Variants in CCDC90B observed in about 807,000 individuals in gnomAD.
CCDC90B encodes the protein coiled-coil domain containing 90B.
Under a neutral mutation model 37.0 loss-of-function variants are expected in CCDC90B, and 24 were observed. That is an observed-to-expected ratio of 0.65 (90% CI 0.47 to 0.91). The LOEUF (loss-of-function observed/expected upper bound fraction) is 0.91, where lower values mean the gene tolerates loss of function less well. CCDC90B is among the 40% of genes least tolerant of loss of function. The probability of loss-of-function intolerance (pLI) is 0.00; values close to 1 mark genes in which losing one functional copy is unlikely to be tolerated. For missense variants in CCDC90B, 319 were observed against 299.0 expected (o/e 1.07, Z -0.49); for synonymous variants, 113 against 101.1 (o/e 1.12, Z -0.71).
At chr11:83,279,569 T>C (rs552874367) in intron 2 of CCDC90B, among the ~76,000 whole-genome samples, 5 of 152,286 alleles carry the variant, frequency 3.3e-5, no homozygotes, top group South Asian at 2.1e-4. Flanking sequence ...TTGTTCTTCT[T>C]TTACATTTAG....
intron 1 of CCDC90B, 41 bp downstream of exon 1, chr11:83,285,832 A>T (rs1865652463): frequency 6.3e-7 from 1 of 1,584,238 alleles, no homozygotes; most frequent in South Asian, 1.1e-5. Flanking sequence ...TCGTCTCCCT[A>T]GAGAGCACTC....
chr11:83,262,070 C>T (rs904785741), intron 8 of CCDC90B, 104 bp from the exon 9 acceptor site: 5 of 729,240 alleles, frequency 6.9e-6, no homozygotes, highest in African/African-American at 1.9e-5. Flanking sequence ...AACAGGAAAT[C>T]CAACCAATTT....
At chr11:83,279,858 C>T (rs1020461697) in intron 2 of CCDC90B, among the ~76,000 whole-genome samples, 2 of 151,844 alleles carry the variant, frequency 1.3e-5, no homozygotes, top group South Asian at 2.1e-4. Flanking sequence ...TACTTCCACA[C>T]GGACTTTAGT....
chr11:83,276,553 T>C (rs559735711), intron 3 of CCDC90B, among the ~76,000 whole-genome samples: 42 of 152,332 alleles, frequency 2.8e-4, no homozygotes, highest in African/African-American at 8.2e-4. Context: ...TTTTGCCACG[T>C]TGGCCAGGCT....
chr11:83,278,627 G>A (rs1865185585), intron 3 of CCDC90B, 99 bp downstream of exon 3: 2 of 729,340 alleles, frequency 2.7e-6, no homozygotes, highest in East Asian at 5.1e-5. Context: ...GAACAAGGAA[G>A]ATATAAGCAT....
rs1863829022 is a variant in CCDC90B at position 83,259,186 on chromosome 11, A to AAAGAT, written c.*2720_*2724dup. On this transcript the variant is annotated 3_prime_UTR_variant, in exon 9 of 9. Transcript: ENST00000529689. ...GAGAACTTGTAGTTTAGTGTAGGAA[A>AAAGAT]AAGATACGTATAATTGCTGTTTCAT... 1 of 152,206 alleles carries AAAGAT rather than the reference A, an allele frequency of 6.6e-6. No homozygotes were observed. The highest frequency in any genetic ancestry group is 2.4e-5 in the African/African-American group (1 of 41,440). 9.4% of individuals were successfully genotyped at this position (152,206 alleles called of 1,614,324 possible). A position where few individuals can be genotyped will look rare whatever the true frequency, so the allele number is the denominator to read the frequency against.
rs1864916547 is a variant in CCDC90B, at chr11:83,274,683, T to A, written c.382A>T (p.Ile128Phe). The A allele has an allele frequency of 6.2e-7, 1 of 1,610,366 alleles. No homozygotes were observed. Among genetic ancestry groups the A allele is most frequent in the Non-Finnish European group, 8.5e-7 (1 of 1,178,144 alleles). ...HLDAIRKDMV[I>F]LEKSEFANLR... ...TTTGCAAATTCACTTTTCTCTAGGA[T>A]GACCATGTCTTTCCTGATAGCATCC... The change falls in exon 4 of 9, where the codon ATC (isoleucine) becomes TTC (phenylalanine). Residue 128 changes from isoleucine (I) to phenylalanine (F), a missense_variant. Transcript: ENST00000529689.
At chr11:83,275,720 CA>C (rs1864984893) in intron 3 of CCDC90B, among the ~76,000 whole-genome samples, 1 of 151,964 alleles carries the variant, frequency 6.6e-6, no homozygotes, top group African/African-American at 2.4e-5. Context: ...CAAGAAAGCC[CA>C]AAAAAGAGTG....
At chr11:83,279,149 C>T (rs142321503) in intron 2 of CCDC90B, among the ~76,000 whole-genome samples, 3,462 of 152,042 alleles carry the variant, frequency 0.023, 122 homozygotes, top group African/African-American at 0.078. Flanking sequence ...GGCGTGGTGG[C>T]GGGCGCCCGT....
At chr11:83,271,911 T>C (rs1473361872) in intron 7 of CCDC90B, among the ~76,000 whole-genome samples, 1 of 152,172 alleles carries the variant, frequency 6.6e-6, no homozygotes, top group Non-Finnish European at 1.5e-5. Context: ...ATGGCACATA[T>C]ACACCACGGA....
In CCDC90B at chr11:83,267,857, A is replaced by G. The variant is rs540796022; in HGVS notation, c.595-1878T>C. Among the ~76,000 whole-genome samples the G allele has an allele frequency of 1.1e-4, 17 of 152,316 alleles. No homozygotes were observed. The South Asian group carries it at 2.9e-3, about 26-fold the overall frequency. ...GGAAAAAGTGTTAAGGGCAGCCAGA[A>G]AGAAAGGTCAAGTTACCCACAAAGG... On this transcript the variant is annotated intron_variant, in intron 7 of 8. Transcript: ENST00000529689.
intron 1 of CCDC90B, among the ~76,000 whole-genome samples, chr11:83,283,554 C>G (rs184727574): frequency 6.6e-6 from 1 of 152,350 alleles, no homozygotes; most frequent in African/African-American, 2.4e-5. Context: ...TTGGGTTTCA[C>G]TCCACTTTGG....
chr11:83,285,447 G>T, intron 1 of CCDC90B: 1 of 1,120,434 alleles, frequency 8.9e-7, no homozygotes, highest in Non-Finnish European at 1.1e-6. Flanking sequence ...TGAAATTTAT[G>T]ATGCTGTCTA....
chr11:83,280,830 C>T (rs904465553), intron 1 of CCDC90B, among the ~76,000 whole-genome samples: 3 of 152,194 alleles, frequency 2.0e-5, no homozygotes, highest in Admixed American at 6.5e-5. Flanking sequence ...ATCTTTAGCA[C>T]GTAGAACAGT....
At chr11:83,270,124 C>A (rs982206545) in intron 7 of CCDC90B, among the ~76,000 whole-genome samples, 22 of 152,060 alleles carry the variant, frequency 1.4e-4, no homozygotes, top group Non-Finnish European at 3.2e-4. Flanking sequence ...CTAAAAACTC[C>A]CAATAAACTA....
chr11:83,267,945 G>A (rs887798557), intron 7 of CCDC90B, among the ~76,000 whole-genome samples: 1 of 152,144 alleles, frequency 6.6e-6, no homozygotes, highest in Non-Finnish European at 1.5e-5. Flanking sequence ...AGAGAGTGGG[G>A]GCCAATATTC....
At chr11:83,284,806 T>C (rs1036456985) in intron 1 of CCDC90B, among the ~76,000 whole-genome samples, 3 of 152,264 alleles carry the variant, frequency 2.0e-5, no homozygotes, top group Admixed American at 2.0e-4. Flanking sequence ...ACATTTAATT[T>C]TGTTTTCATT....
At chr11:83,278,277 A>G (rs968223756) in intron 3 of CCDC90B, among the ~76,000 whole-genome samples, 11 of 152,226 alleles carry the variant, frequency 7.2e-5, no homozygotes, top group Non-Finnish European at 1.0e-4. Context: ...AGTTAAATTA[A>G]GGCGTCTTAG....
At chr11:83,264,074 T>C (rs897252810) in intron 8 of CCDC90B, among the ~76,000 whole-genome samples, 2 of 152,250 alleles carry the variant, frequency 1.3e-5, no homozygotes, top group Admixed American at 1.3e-4. Context: ...ATAGAAATAC[T>C]AGCACAGGGC....
Sources: allele counts gnomAD v4.1 joint callset (sites outside exome capture counted in the v4.1 genomes callset), GRCh38; gene constraint gnomAD v4.1.1; transcripts MANE v1.5; gene names NCBI Gene and HGNC (gene_info 2026-07-23, HGNC 2026-07-21).